The following DGCR2 variants were observed in gnomAD, a reference collection of about 807,000 sequenced individuals.
The protein encoded by DGCR2 is integral membrane protein DGCR2/IDD.
Under a neutral mutation model 51.6 loss-of-function variants are expected in DGCR2, and 24 were observed. The ratio of observed to expected loss-of-function variants is 0.47; its 90% CI spans 0.34 to 0.65. The LOEUF (loss-of-function observed/expected upper bound fraction) is 0.65, where lower values mean the gene tolerates loss of function less well. Among genes scored for constraint, DGCR2 ranks in the 30% least tolerant of loss-of-function variants. The pLI, the probability that DGCR2 is intolerant of heterozygous loss-of-function variation, is 0.01. For synonymous variants in DGCR2, 340 were observed against 315.4 expected, an observed-to-expected ratio of 1.08 and a Z score of -0.82; for missense variants, 765 against 772.1, an observed-to-expected ratio of 0.99 and a Z score of 0.11.
chr22:19,063,645 C>G (rs2082713789), intron 4 of DGCR2, among the ~76,000 whole-genome samples: 1 of 151,872 alleles, frequency 6.6e-6, no homozygotes, highest in South Asian at 2.1e-4. Flanking sequence ...CTATACTGAC[C>G]TCCACAACAC....
intron 9 of DGCR2, 46 bp downstream of exon 9, chr22:19,041,012 C>T: frequency 6.6e-7 from 1 of 1,507,618 alleles, no homozygotes; most frequent in Admixed American, 1.9e-5. Context: ...GCCCCACGTG[C>T]CAGGTTACTT....
chr22:19,121,276 A>G (rs528552917), intron 1 of DGCR2, among the ~76,000 whole-genome samples: 15 of 152,316 alleles, frequency 9.8e-5, no homozygotes, highest in African/African-American at 2.4e-4. Flanking sequence ...TATTTGACCT[A>G]AAAGTTCATT....
chr22:19,064,762 G>C, intron 4 of DGCR2, 86 bp downstream of exon 4: 1 of 1,310,872 alleles, frequency 7.6e-7, no homozygotes, highest in Non-Finnish European at 1.1e-6. Context: ...CTGTGCTCCA[G>C]GAGTTTACTG....
chr22:19,038,929 G>A lies in DGCR2; in HGVS notation c.1589C>T (p.Pro530Leu). Residue 530 changes from proline (P) to leucine (L), a missense_variant, in exon 10 of 10, where the codon CCA (proline) becomes CTA (leucine). Transcript: ENST00000263196. ...PPDPAQSGST[P>L]AAEALPGGGR... The stretch of plus-strand genomic sequence containing the variant: ...ACCCCCTGGCAGTGCCTCTGCAGCT[G>A]GGGTGCTCCCGCTCTGGGCAGGGTC... The A allele has an allele frequency of 1.2e-6, 2 of 1,612,734 alleles. No individual in the cohort carries two copies. The highest frequency in any genetic ancestry group is 1.3e-5 in the African/African-American group (1 of 75,058).
At chr22:19,099,257 C>G (rs1395961245) in intron 1 of DGCR2, among the ~76,000 whole-genome samples, 1 of 152,224 alleles carries the variant, frequency 6.6e-6, no homozygotes, top group East Asian at 1.9e-4. Flanking sequence ...ACAGGTCAAA[C>G]TGGCATTGCT....
chr22:19,079,703 A>G (rs1029599648), intron 2 of DGCR2, among the ~76,000 whole-genome samples: 4 of 152,198 alleles, frequency 2.6e-5, no homozygotes, highest in African/African-American at 9.6e-5. Context: ...TATGGATGCA[A>G]TTTGCCCAAA....
rs1228788268 is a variant in DGCR2 at position 19,089,478 on chromosome 22, T to A, written c.92A>T (p.Asn31Ile). The change falls in exon 2 of 10, where the codon AAC becomes ATC. Residue 31 changes from asparagine (N) to isoleucine (I), a missense_variant. By Grantham distance (149) the Asn-to-Ile change is moderately radical. Transcript: ENST00000263196. ...GCTGCGACACGCAAACTGCCCAGGGTTGCACCGCAGCTCTGTGGGACCAAA... is the reference window on the plus strand; with the variant it reads ...GCTGCGACACGCAAACTGCCCAGGGATGCACCGCAGCTCTGTGGGACCAAA... ...TEPLRPELRC[N>I]PGQFACRSGT... is the part of the protein sequence containing the mutation. The A allele has an allele frequency of 6.3e-7, 1 of 1,590,388 alleles. No individual in the cohort carries two copies. The highest frequency in any genetic ancestry group is 1.7e-5 in the Admixed American group (1 of 57,808).
chr22:19,063,137 G>T (rs1457821151), intron 5 of DGCR2, 65 bp downstream of exon 5: 11 of 1,469,528 alleles, frequency 7.5e-6, no homozygotes, highest in Middle Eastern at 1.7e-4. Flanking sequence ...GAGGGAGGAG[G>T]GGAGGCCCCG....
At chr22:19,093,531 ACTT>A (rs1382172631) in intron 1 of DGCR2, among the ~76,000 whole-genome samples, 1 of 152,232 alleles carries the variant, frequency 6.6e-6, no homozygotes, top group Non-Finnish European at 1.5e-5. Context: ...GATAAATTGG[ACTT>A]CATCAAAATT....
intron 1 of DGCR2, among the ~76,000 whole-genome samples, chr22:19,102,338 T>C (rs1170951535): frequency 2.6e-5 from 4 of 152,172 alleles, no homozygotes; most frequent in African/African-American, 9.7e-5. Context: ...GTTCTGGAAG[T>C]GGGTAATGGT....
rs1328272071 is a variant in DGCR2 at position 19,054,286 on chromosome 22, G to C, written c.802+2700C>G. Reference sequence around the variant, plus strand: ...CTTCAGTTTACTCCCAAATGATTCAGAAGAAACATGTAGAGAAAGTGAATG... The same window carrying C: ...CTTCAGTTTACTCCCAAATGATTCACAAGAAACATGTAGAGAAAGTGAATG... On this transcript the variant is annotated intron_variant, in intron 6 of 9. Transcript: ENST00000263196. 2.0e-5 allele frequency among the ~76,000 whole-genome samples: 3 copies of C among 152,218 alleles called. No individual in the cohort carries two copies. In the East Asian group the frequency reaches 5.8e-4, roughly 29 times the overall value.
chr22:19,088,860 CT>C (rs2083046647), intron 2 of DGCR2, among the ~76,000 whole-genome samples: 1 of 152,136 alleles, frequency 6.6e-6, no homozygotes, highest in Non-Finnish European at 1.5e-5. Context: ...CCGATTTAGC[CT>C]TTTTGTGGCC....
intron 3 of DGCR2, chr22:19,065,984 C>T (rs1373898989): frequency 6.6e-6 from 1 of 152,194 alleles, no homozygotes; most frequent in East Asian, 1.9e-4. Context: ...TTCATAAAGG[C>T]ACATAGATTA....
chr22:19,038,746 T>C lies in DGCR2; in HGVS notation c.*119A>G. The C allele has an allele frequency of 7.3e-7, 1 of 1,376,124 alleles. No homozygotes were observed. Among genetic ancestry groups the C allele is most frequent in the Non-Finnish European group, 1.0e-6 (1 of 1,004,054 alleles). The allele number at this position is 1,376,124 out of a possible 1,614,324, so 85.2% of individuals were successfully genotyped here. On this transcript the variant is annotated 3_prime_UTR_variant, in exon 10 of 10. Transcript: ENST00000263196. ...CTATGTACACACGCGAGCCCGCCAG[T>C]GACGTGCGGCAGTGCGTGGCGTCCA...
At chr22:19,091,011 G>A (rs1355500198) in intron 1 of DGCR2, among the ~76,000 whole-genome samples, 1 of 6,620 alleles carries the variant, frequency 1.5e-4, no homozygotes, top group Admixed American at 2.5e-3. Context: ...ATAAATAAGA[G>A]AAAATAAAAG....
chr22:19,116,847 T>C (rs895177622), intron 1 of DGCR2, among the ~76,000 whole-genome samples: 1 of 151,946 alleles, frequency 6.6e-6, no homozygotes, highest in Admixed American at 6.6e-5. Flanking sequence ...CTGCCATCAG[T>C]GTTGAGAGGA....
chr22:19,082,229 T>C (rs1341111573), intron 2 of DGCR2, among the ~76,000 whole-genome samples: 2 of 143,654 alleles, frequency 1.4e-5, no homozygotes, highest in Non-Finnish European at 1.5e-5. Flanking sequence ...TTTCTTTTTT[T>C]TTTTTTTTTT....
intron 6 of DGCR2, among the ~76,000 whole-genome samples, chr22:19,054,241 T>G (rs2082578180): frequency 6.6e-6 from 1 of 152,228 alleles, no homozygotes; most frequent in East Asian, 1.9e-4. Context: ...TATAAAACGC[T>G]TAATTAAGGT....
In DGCR2 at chr22:19,121,065, C is replaced by T. The variant is rs1276472848; in HGVS notation, c.79+1063G>A. ...GACACAAGCGCAGAGCCAAGAGGTG[C>T]GGTGTATCTGGGCTGGGAGCCTGGC... is the stretch of plus-strand genomic sequence containing the variant. On this transcript the variant is annotated intron_variant, in intron 1 of 9. Transcript: ENST00000263196. 2.0e-5 allele frequency among the ~76,000 whole-genome samples: 3 copies of T among 152,220 alleles called. No individual in the cohort carries two copies. The East Asian group carries it at 5.8e-4, about 29-fold the overall frequency.
Sources: allele counts gnomAD v4.1 joint callset (sites outside exome capture counted in the v4.1 genomes callset), GRCh38; gene constraint gnomAD v4.1.1; transcripts MANE v1.5; gene names NCBI Gene and HGNC (gene_info 2026-07-23, HGNC 2026-07-21).